The following IL7 variants were observed in gnomAD, a reference collection of about 807,000 sequenced individuals.
IL7 encodes the protein interleukin 7.
In IL7, 3 loss-of-function variants were observed where a neutral mutation model predicts 21.6. That is an observed-to-expected ratio of 0.14 (90% CI 0.06 to 0.36). IL7 has a LOEUF of 0.36. Among genes scored for constraint, IL7 ranks in the 10% least tolerant of loss-of-function variants. The pLI, the probability that IL7 is intolerant of heterozygous loss-of-function variation, is 1.00. For missense variants in IL7, 175 were observed against 200.2 expected, an observed-to-expected ratio of 0.87 and a Z score of 0.76; for synonymous variants, 62 against 68.1, an observed-to-expected ratio of 0.91 and a Z score of 0.44.
chr8:78,680,970 G>A (rs561667950), intron 4 of IL7, among the ~76,000 whole-genome samples: 1 of 152,286 alleles, frequency 6.6e-6, no homozygotes, highest in South Asian at 2.1e-4. Context: ...AGAATGGTGG[G>A]AGTAGGAACA....
At chr8:78,785,791 T>C (rs895829685) in intron 2 of IL7, among the ~76,000 whole-genome samples, 2 of 152,218 alleles carry the variant, frequency 1.3e-5, no homozygotes, top group African/African-American at 4.8e-5. Context: ...ACTCCATATC[T>C]CATGATCCTC....
intron 3 of IL7, among the ~76,000 whole-genome samples, chr8:78,701,430 C>A (rs986929910): frequency 2.0e-5 from 3 of 152,182 alleles, no homozygotes; most frequent in African/African-American, 7.2e-5. Flanking sequence ...ATGATCATGT[C>A]ATCTGCCAGC....
chr8:78,733,892 A>G, intron 5 of IL7, 60 bp from the exon 6 acceptor site: 1 of 1,152,652 alleles, frequency 8.7e-7, no homozygotes. Flanking sequence ...TATATTTTAA[A>G]ATACTATTTT....
At chr8:78,681,300 A>G (rs1809768950) in intron 4 of IL7, among the ~76,000 whole-genome samples, 1 of 152,214 alleles carries the variant, frequency 6.6e-6, no homozygotes, top group Non-Finnish European at 1.5e-5. Context: ...GATGAATAAT[A>G]GAAAATATAT....
At chr8:78,685,902 G>C (rs1435684499) in exon 4 of IL7, 1 of 152,332 alleles carries the variant, frequency 6.6e-6, no homozygotes, top group African/African-American at 2.4e-5. Flanking sequence ...TCTGGAGGTT[G>C]GGAAGTCCAG....
chr8:78,784,857 A>G (rs1263710591), intron 2 of IL7, among the ~76,000 whole-genome samples: 1 of 152,100 alleles, frequency 6.6e-6, no homozygotes, highest in Non-Finnish European at 1.5e-5. Flanking sequence ...TTTTATATCC[A>G]GTAGCTCCCC....
chr8:78,730,223 T>A (rs1586047036), downstream of IL7, among the ~76,000 whole-genome samples: 1 of 152,102 alleles, frequency 6.6e-6, no homozygotes, highest in East Asian at 1.9e-4. Flanking sequence ...CTTACCACTT[T>A]TTATGTGAAG....
chr8:78,725,804 C>A (rs1811329832), intron 3 of IL7, among the ~76,000 whole-genome samples: 1 of 151,964 alleles, frequency 6.6e-6, no homozygotes. Flanking sequence ...TGTATAAAAT[C>A]TTTGCCACAA....
chr8:78,799,264 T>C (rs913503485), intron 1 of IL7, among the ~76,000 whole-genome samples: 1 of 152,138 alleles, frequency 6.6e-6, no homozygotes, highest in Non-Finnish European at 1.5e-5. Context: ...AAGGAACTAA[T>C]ATTGTGACAG....
rs1257804001 is a variant in IL7, at chr8:78,733,010, A to G, written c.*703T>C. 1 of 152,100 alleles carries G rather than the reference A, an allele frequency of 6.6e-6. No homozygotes were observed. The highest frequency in any genetic ancestry group is 1.5e-5 in the Non-Finnish European group (1 of 67,980). 9.4% of individuals were successfully genotyped at this position (152,100 alleles called of 1,614,324 possible). ...ATGTAACTCAGTACTAAGGTTTAGCATCCTTAGACTAGGTGAATTTATTTT... is the reference window on the plus strand; with the variant it reads ...ATGTAACTCAGTACTAAGGTTTAGCGTCCTTAGACTAGGTGAATTTATTTT... On this transcript the variant is annotated 3_prime_UTR_variant, in exon 6 of 6. Coordinates refer to ENST00000263851, the MANE Select transcript of IL7 (RefSeq NM_000880.4).
At chr8:78,746,099 G>T (rs140131668) in intron 2 of IL7, among the ~76,000 whole-genome samples, 1 of 152,186 alleles carries the variant, frequency 6.6e-6, no homozygotes, top group Admixed American at 6.5e-5. Flanking sequence ...TTTCAGATTA[G>T]AATTTTTTTA....
chr8:78,803,600 G>A (rs1017500445), intron 1 of IL7, among the ~76,000 whole-genome samples: 3 of 152,088 alleles, frequency 2.0e-5, no homozygotes, highest in African/African-American at 7.2e-5. Flanking sequence ...AGGAAGTAAA[G>A]GCTTTTTCTG....
At chr8:78,757,508 T>G (rs1812388007) in intron 2 of IL7, among the ~76,000 whole-genome samples, 2 of 152,066 alleles carry the variant, frequency 1.3e-5, no homozygotes, top group South Asian at 4.1e-4. Context: ...ACTCTTACTG[T>G]ATTGGAGTCT....
At chr8:78,709,547 ATTAT>A (rs1456490891) in intron 3 of IL7, among the ~76,000 whole-genome samples, 5 of 152,080 alleles carry the variant, frequency 3.3e-5, no homozygotes, top group African/African-American at 9.7e-5. Context: ...TGAGATACTA[ATTAT>A]TTGTGTAGGA....
At chr8:78,729,005 A>C (rs751614307), downstream of IL7, among the ~76,000 whole-genome samples, 2 of 152,030 alleles carry the variant, frequency 1.3e-5, no homozygotes, top group Non-Finnish European at 2.9e-5. Flanking sequence ...ATTTCTGTGA[A>C]GGCATCATGT....
At chr8:78,708,965 CAAAAGAT>C (rs2130593897) in intron 3 of IL7, among the ~76,000 whole-genome samples, 1 of 152,166 alleles carries the variant, frequency 6.6e-6, no homozygotes, top group East Asian at 1.9e-4. Flanking sequence ...CACGCCCGGC[CAAAAGAT>C]GATTATCTTT....
At chr8:78,769,352 C>G (rs1391068204) in intron 2 of IL7, among the ~76,000 whole-genome samples, 3 of 152,110 alleles carry the variant, frequency 2.0e-5, no homozygotes, top group Non-Finnish European at 4.4e-5. Flanking sequence ...GATACAAAAT[C>G]AATGTACAAA....
intron 3 of IL7, among the ~76,000 whole-genome samples, chr8:78,726,130 T>C (rs1298688875): frequency 6.6e-6 from 1 of 152,010 alleles, no homozygotes; most frequent in African/African-American, 2.4e-5. Context: ...CAATTTTAGA[T>C]AGAGTGTTCA....
At chr8:78,696,824 A>G (rs978828321) in intron 3 of IL7, among the ~76,000 whole-genome samples, 3 of 152,240 alleles carry the variant, frequency 2.0e-5, no homozygotes, top group African/African-American at 4.8e-5. Context: ...GCTGAATTAT[A>G]TATATGGAAT....
Sources: gnomAD v4.1 joint callset for allele counts (sites outside exome capture counted in the v4.1 genomes callset) on GRCh38, gnomAD v4.1.1 for gene constraint, MANE v1.5 for transcripts, NCBI Gene and HGNC (gene_info 2026-07-23, HGNC 2026-07-21) for gene names.